Variants in HJV observed in about 807,000 individuals in gnomAD.
The protein encoded by HJV is hemojuvelin BMP co-receptor.
Under a neutral mutation model 22.7 loss-of-function variants are expected in HJV, and 18 were observed. The ratio of observed to expected loss-of-function variants is 0.79; its 90% CI spans 0.55 to 1.18. The LOEUF is 1.18. Among genes scored for constraint, HJV ranks in the 50% most tolerant of loss-of-function variants. The probability of loss-of-function intolerance (pLI) is 0.00; values close to 1 mark genes in which losing one functional copy is unlikely to be tolerated. For synonymous variants in HJV, 229 were observed against 222.7 expected (o/e 1.03, Z -0.25); for missense variants, 572 against 553.0 (o/e 1.03, Z -0.34).
rs2101985266 is a variant in HJV at position 146,019,606 on chromosome 1, A to G, written c.226T>C (p.Ser76Pro). ...CGGAGGGCTCGACAGAGGCCGCCAG[A>G]GCCCACCCCTCCACCCCGGCCTCCT... ...GGGGRGGGVG[S>P]GGLCRALRSY... is the part of the protein sequence containing the mutation. Residue 76 changes from serine (S) to proline (P), a missense_variant, in exon 3 of 4, where the codon TCT becomes CCT. Coordinates refer to ENST00000336751, the MANE Select transcript of HJV (RefSeq NM_213653.4). 1 of 1,613,666 alleles carries G rather than the reference A, an allele frequency of 6.2e-7. No homozygotes were observed. Among genetic ancestry groups the G allele is most frequent in the African/African-American group, 1.3e-5 (1 of 75,038 alleles).
In HJV at chr1:146,020,145, G is replaced by A. The variant is rs370509060; in HGVS notation, c.87C>T (p.Leu29=). 7 of 1,607,398 alleles carry A rather than the reference G, an allele frequency of 4.4e-6. No individual in the cohort carries two copies. The highest frequency in any genetic ancestry group is 1.7e-4 in the Middle Eastern group (1 of 6,040). ...TLSTLTLLLL[L]CGHAHSQCKI... ...CTGGCCCTTCCTTACCATGTCCACA[G>A]AGGAGCAGCAGGAGAGTGAGAGTGC... The change falls in exon 2 of 4, where the codon CTC becomes CTT. Residue 29 remains leucine, a synonymous_variant. Coordinates refer to ENST00000336751, the MANE Select transcript of HJV (RefSeq NM_213653.4).
Position 146,020,122 on chromosome 1 carries a change from G to A in HJV, c.97+13C>T, listed in dbSNP as rs782047270. ...TCTAGATTTCCCCAAACCCTTCCCT[G>A]GCCCTTCCTTACCATGTCCACAGAG... On this transcript the variant is annotated intron_variant, in intron 2 of 3. Transcript: ENST00000336751. The A allele has an allele frequency of 6.4e-7, 1 of 1,571,496 alleles. No individual in the cohort carries two copies. Among genetic ancestry groups the A allele is most frequent in the East Asian group, 2.2e-5 (1 of 44,652 alleles).
At position 146,018,337 on chromosome 1, in the gene HJV, C is replaced by A. The variant is rs1553769421; in HGVS notation, c.1021G>T (p.Asp341Tyr). ...ERNRRGAITI[D>Y]TARRLCKEGL... is the part of the protein sequence containing the mutation. ...TCCTTGCACAGCCGTCTGGCAGTAT[C>A]AATGGTTATAGCTCCCCGACGATTG... The change falls in exon 4 of 4, where the codon GAT becomes TAT. Residue 341 changes from aspartate to tyrosine, a missense_variant. By Grantham distance (160) the Asp-to-Tyr change is radical. Coordinates refer to ENST00000336751, the MANE Select transcript of HJV (RefSeq NM_213653.4). The A allele has an allele frequency of 6.2e-7, 1 of 1,614,182 alleles. No individual in the cohort carries two copies. Among genetic ancestry groups the A allele is most frequent in the East Asian group, 2.2e-5 (1 of 44,880 alleles).
chr1:146,018,706 A>C lies in HJV; in HGVS notation c.658-6T>G. 1 of 1,614,094 alleles carries C rather than the reference A, an allele frequency of 6.2e-7. No homozygotes were observed. Among genetic ancestry groups the C allele is most frequent in the Non-Finnish European group, 8.5e-7 (1 of 1,179,998 alleles). On this transcript the variant is annotated splice_region_variant and splice_polypyrimidine_tract_variant and intron_variant, in intron 3 of 3. Coordinates refer to ENST00000336751, the MANE Select transcript of HJV (RefSeq NM_213653.4). ...TTCTTAAATATGATGGTGAGCTGTG[A>C]GGACAAGAGGGAAAACAGTTCATTT... is the stretch of plus-strand genomic sequence containing the variant.
intron 3 of HJV, 96 bp downstream of exon 3, chr1:146,019,079 T>C (rs1289730473): frequency 9.6e-7 from 1 of 1,036,572 alleles, no homozygotes; most frequent in Admixed American, 1.7e-5. Flanking sequence ...GAAAAGGGAA[T>C]TAGGGAGCAT....
chr1:146,020,539 G>T (rs1204278384), intron 1 of HJV, among the ~76,000 whole-genome samples: 1 of 152,128 alleles, frequency 6.6e-6, no homozygotes, highest in Non-Finnish European at 1.5e-5. Context: ...TGGGGGTGGA[G>T]GGAAGGTTGA....
At chr1:146,020,038 C>G (rs1054721497) in intron 2 of HJV, 97 bp downstream of exon 2, 4 of 903,326 alleles carry the variant, frequency 4.4e-6, no homozygotes, top group Non-Finnish European at 5.6e-6. Flanking sequence ...GGACTCTCAG[C>G]GCCTATCTCT....
At chr1:146,021,365 C>T (rs1377945663) in intron 1 of HJV, among the ~76,000 whole-genome samples, 3 of 152,088 alleles carry the variant, frequency 2.0e-5, no homozygotes, top group African/African-American at 7.2e-5. Flanking sequence ...AAAGAGAGGG[C>T]TAAGACTGCC....
chr1:146,019,625 GCCTCCTCCT>G lies in HJV; in HGVS notation c.198_206del (p.Gly67_Gly69del). The G allele has an allele frequency of 6.2e-7, 1 of 1,608,984 alleles. No individual in the cohort carries two copies. Among genetic ancestry groups the G allele is most frequent in the Non-Finnish European group, 8.5e-7 (1 of 1,175,810 alleles). On this transcript the variant is annotated inframe_deletion, in exon 3 of 4. Transcript: ENST00000336751. ...CGCCAGAGCCCACCCCTCCACCCCG[GCCTCCTCCT>G]CCTCCTCCTCGAAGTGCTCCTGATG...
In HJV at chr1:146,019,587, G is replaced by T. The variant is rs1652585285; in HGVS notation, c.245C>A (p.Ala82Asp). The part of the protein sequence containing the change: ...GGVGSGGLCR[A>D]LRSYALCTRR... ...AGTGCAGAGCGCATAGGAGCGGAGG[G>T]CTCGACAGAGGCCGCCAGAGCCCAC... The change falls in exon 3 of 4, where the codon GCC becomes GAC. Residue 82 changes from alanine to aspartate, a missense_variant. Physicochemically the swap from Ala to Asp is moderately radical, Grantham distance 126 (BLOSUM62 -2). Coordinates refer to ENST00000336751, the MANE Select transcript of HJV (RefSeq NM_213653.4). The T allele has an allele frequency of 6.2e-7, 1 of 1,613,574 alleles. No homozygotes were observed. Among genetic ancestry groups the T allele is most frequent in the East Asian group, 2.2e-5 (1 of 44,868 alleles).
chr1:146,019,999 T>C, intron 2 of HJV, 136 bp downstream of exon 2: 5 of 815,652 alleles, frequency 6.1e-6, no homozygotes, highest in African/African-American at 1.7e-5. Context: ...AAATAAAATA[T>C]TAGTATTTGA....
rs1652453436 is a variant in HJV at position 146,018,214 on chromosome 1, C to T, written c.1144G>A (p.Glu382Lys). The T allele has an allele frequency of 6.2e-7, 1 of 1,614,196 alleles. No individual in the cohort carries two copies. Among genetic ancestry groups the T allele is most frequent in the African/African-American group, 1.3e-5 (1 of 75,056 alleles). Residue 382 changes from glutamate to lysine, a missense_variant, in exon 4 of 4, where the codon GAG becomes AAG. Transcript: ENST00000336751. The stretch of plus-strand genomic sequence containing the variant: ...TCTGGCAGGAAGGCTCGGGCATCCT[C>T]CAGTGCTGCCTGAGCTGCCACGGTA... ...NFTVAAQAALEDARAFLPDLE... is the reference protein window; with the variant it reads ...NFTVAAQAALKDARAFLPDLE...
intron 1 of HJV, among the ~76,000 whole-genome samples, chr1:146,021,358 G>T (rs1305395044): frequency 6.6e-6 from 1 of 152,188 alleles, no homozygotes; most frequent in African/African-American, 2.4e-5. Flanking sequence ...ATAAGGTAAA[G>T]AGAGGGCTAA....
Position 146,017,917 on chromosome 1 carries a change from G to T in HJV, c.*160C>A. The T allele has an allele frequency of 2.5e-6, 2 of 798,546 alleles. No individual in the cohort carries two copies. The highest frequency in any genetic ancestry group is 4.0e-6 in the Non-Finnish European group (2 of 494,812). 49.5% of individuals were successfully genotyped at this position (798,546 alleles called of 1,614,324 possible). A position where few individuals can be genotyped will look rare whatever the true frequency, so the allele number is the denominator to read the frequency against. On this transcript the variant is annotated 3_prime_UTR_variant, in exon 4 of 4. Transcript: ENST00000336751. ...ACCTTGCCCAGAATCCTTATTCTGTGATAATTTCAACCCTGGACTGCAGCC... is the reference window on the plus strand; with the variant it reads ...ACCTTGCCCAGAATCCTTATTCTGTTATAATTTCAACCCTGGACTGCAGCC...
chr1:146,018,451 C>A lies in HJV; in HGVS notation c.907G>T (p.Asp303Tyr). Residue 303 changes from aspartate (D) to tyrosine (Y), a missense_variant, in exon 4 of 4, where the codon GAT becomes TAT. Asp to Tyr is a radical substitution (Grantham distance 160). Transcript: ENST00000336751. ...QLSFSIKVAE[D>Y]VAMAFSAEQD... Reference sequence around the variant, plus strand: ...TCAGCTGAGAAGGCCATGGCCACATCCTCTGCTACCTTGATGGAGAAGGAG... The same window carrying A: ...TCAGCTGAGAAGGCCATGGCCACATACTCTGCTACCTTGATGGAGAAGGAG... 2 of 1,614,182 alleles carry A rather than the reference C, an allele frequency of 1.2e-6. No individual in the cohort carries two copies. The highest frequency in any genetic ancestry group is 1.7e-6 in the Non-Finnish European group (2 of 1,180,040).
At position 146,019,280 on chromosome 1, in the gene HJV, T is replaced by C; in HGVS notation, c.552A>G (p.Thr184=). The change falls in exon 3 of 4, where the codon ACA becomes ACG. Residue 184 remains threonine, a synonymous_variant. Coordinates refer to ENST00000336751, the MANE Select transcript of HJV (RefSeq NM_213653.4). ...HVRSFHHHFH[T]CRVQGAWPLL... Reference sequence around the variant, plus strand: ...GAGGCCAAGCTCCTTGGACACGGCATGTGTGAAAGTGATGGTGGAAGCTGC... The same window carrying C: ...GAGGCCAAGCTCCTTGGACACGGCACGTGTGAAAGTGATGGTGGAAGCTGC... The C allele has an allele frequency of 6.2e-7, 1 of 1,613,842 alleles. No individual in the cohort carries two copies. The highest frequency in any genetic ancestry group is 1.3e-5 in the African/African-American group (1 of 75,032).
chr1:146,019,036 G>T, intron 3 of HJV, 139 bp downstream of exon 3: 1 of 835,168 alleles, frequency 1.2e-6, no homozygotes, highest in African/African-American at 1.7e-5. Flanking sequence ...TTGGTAGAAG[G>T]GAGTGATTCG....
chr1:146,018,460 C>T lies in HJV; in HGVS notation c.898G>A (p.Val300Ile). The change falls in exon 4 of 4, where the codon GTA becomes ATA. Residue 300 changes from valine (V) to isoleucine (I), a missense_variant. Transcript: ENST00000336751. ...AAGGCCATGGCCACATCCTCTGCTA[C>T]CTTGATGGAGAAGGAGAGCTGCCCA... is the stretch of plus-strand genomic sequence containing the variant. ...TAGQLSFSIK[V>I]AEDVAMAFSA... The T allele has an allele frequency of 6.2e-7, 1 of 1,614,188 alleles. No individual in the cohort carries two copies. Among genetic ancestry groups the T allele is most frequent in the Non-Finnish European group, 8.5e-7 (1 of 1,180,036 alleles).
chr1:146,018,804 A>T, intron 3 of HJV, 104 bp from the exon 4 acceptor site: 1 of 1,194,454 alleles, frequency 8.4e-7, no homozygotes, highest in Non-Finnish European at 1.2e-6. Flanking sequence ...GAGATGCAGG[A>T]CTACTATGGC....
Sources: allele counts gnomAD v4.1 joint callset (sites outside exome capture counted in the v4.1 genomes callset), GRCh38; gene constraint gnomAD v4.1.1; transcripts MANE v1.5; gene names NCBI Gene and HGNC (gene_info 2026-07-23, HGNC 2026-07-21).